The following TMEM181 variants were observed in gnomAD, a reference collection of about 807,000 sequenced individuals.
TMEM181 encodes transmembrane protein 181, also known as G protein-coupled receptor 178.
In TMEM181, 39 loss-of-function variants were observed where a neutral mutation model predicts 71.9. That is an observed-to-expected ratio of 0.54 (90% CI 0.42 to 0.71). TMEM181 has a LOEUF of 0.71. Among genes scored for constraint, TMEM181 ranks in the 30% least tolerant of loss-of-function variants. TMEM181 has a pLI of 0.00. For synonymous variants in TMEM181, 245 were observed against 228.8 expected (o/e 1.07, Z -0.64); for missense variants, 595 against 583.0 (o/e 1.02, Z -0.21).
intron 6 of TMEM181, among the ~76,000 whole-genome samples, chr6:158,591,700 C>T (rs1784119488): frequency 6.6e-6 from 1 of 151,882 alleles, no homozygotes. Flanking sequence ...AAACAAGGGA[C>T]CTCTCCCTTT....
intron 2 of TMEM181, among the ~76,000 whole-genome samples, chr6:158,580,186 C>T (rs534333063): frequency 1.2e-4 from 18 of 152,098 alleles, no homozygotes; most frequent in African/African-American, 4.1e-4. Context: ...AAAAATTAGC[C>T]GGGCGTGGTG....
rs754628447 is a variant in TMEM181 at position 158,631,853 on chromosome 6, C to T, written c.1393C>T (p.Arg465Trp). The stretch of plus-strand genomic sequence containing the variant: ...GCCGCTGCAGAACGGCCAGGCCATC[C>T]GGGCCAAGTACAAGGAGGAGTCAGA... ...EMPLQNGQAI[R>W]AKYKEESDSD is the part of the protein sequence containing the mutation. The change falls in exon 17 of 17, where the codon CGG becomes TGG. Residue 465 changes from arginine (R) to tryptophan (W), a missense_variant. Arg to Trp is a moderately radical substitution (Grantham distance 101, BLOSUM62 -3). Coordinates refer to ENST00000684151, the MANE Select transcript of TMEM181 (RefSeq NM_001376852.1). 70 of 1,599,196 alleles carry T rather than the reference C, an allele frequency of 4.4e-5. No homozygotes were observed. The highest frequency in any genetic ancestry group is 5.5e-5 in the Non-Finnish European group (65 of 1,172,630).
At chr6:158,555,480 C>T (rs1388817729), upstream of TMEM181, among the ~76,000 whole-genome samples, 3 of 151,944 alleles carry the variant, frequency 2.0e-5, no homozygotes, top group African/African-American at 4.8e-5. Flanking sequence ...TATCTCAACT[C>T]CAGTAGAAAA....
upstream of TMEM181, among the ~76,000 whole-genome samples, chr6:158,558,998 T>A (rs934644794): frequency 1.3e-5 from 2 of 152,214 alleles, no homozygotes; most frequent in Non-Finnish European, 2.9e-5. Context: ...AGAAATAATC[T>A]TTTGTTATTC....
chr6:158,626,600 G>A (rs1390128766), intron 13 of TMEM181: 2 of 456,876 alleles, frequency 4.4e-6, no homozygotes, highest in Non-Finnish European at 8.8e-6. Flanking sequence ...ACCACTAGGA[G>A]TGTGAACTCA....
intron 6 of TMEM181, among the ~76,000 whole-genome samples, chr6:158,597,650 A>C (rs1784453336): frequency 6.6e-6 from 1 of 152,094 alleles, no homozygotes; most frequent in African/African-American, 2.4e-5. Context: ...AGACAGGCAC[A>C]CACCACCATG....
chr6:158,554,912 T>G (rs567097533), intron 1 of TMEM181, among the ~76,000 whole-genome samples: 1 of 152,340 alleles, frequency 6.6e-6, no homozygotes, highest in Admixed American at 6.5e-5. Context: ...GGTAATCTAA[T>G]GAAGATGGTG....
rs749992652 is a variant in TMEM181 at position 158,635,362 on chromosome 6, C to T, written c.*3474C>T. On this transcript the variant is annotated 3_prime_UTR_variant, in exon 17 of 17. Transcript: ENST00000684151. Reference sequence around the variant, plus strand: ...AGTGAATGTTTGTTTATGGCAAATTCGTCTTTTGCGAATGGCTTAATTCTG... The same window carrying T: ...AGTGAATGTTTGTTTATGGCAAATTTGTCTTTTGCGAATGGCTTAATTCTG... 1.3e-4 allele frequency: 20 copies of T among 152,204 alleles called. No homozygotes were observed. Among genetic ancestry groups the T allele is most frequent in the Non-Finnish European group, 2.4e-4 (16 of 68,028 alleles). The allele number at this position is 152,204 out of a possible 1,614,324, so 9.4% of individuals were successfully genotyped here. A position where few individuals can be genotyped will look rare whatever the true frequency, so the allele number is the denominator to read the frequency against.
At chr6:158,572,787 C>T (rs1408303334) in intron 1 of TMEM181, among the ~76,000 whole-genome samples, 1 of 152,156 alleles carries the variant, frequency 6.6e-6, no homozygotes, top group African/African-American at 2.4e-5. Flanking sequence ...GAAACCTGCA[C>T]GGCAAGGCAG....
chr6:158,595,481 T>C (rs1784339247), intron 6 of TMEM181, among the ~76,000 whole-genome samples: 1 of 152,188 alleles, frequency 6.6e-6, no homozygotes, highest in Non-Finnish European at 1.5e-5. Context: ...CCAAAAGACT[T>C]GTATTTAGAT....
At chr6:158,572,443 AACAG>A (rs1782911175) in intron 1 of TMEM181, 1 of 456,660 alleles carries the variant, frequency 2.2e-6, no homozygotes, top group Non-Finnish European at 4.4e-6. Flanking sequence ...GAGAGAGCAA[AACAG>A]ACAGCGCCGC....
chr6:158,630,331 T>C (rs189126274), intron 15 of TMEM181, among the ~76,000 whole-genome samples: 3 of 152,064 alleles, frequency 2.0e-5, no homozygotes, highest in Admixed American at 1.3e-4. Context: ...ACCCCATCTC[T>C]CCAAAAATTT....
intron 6 of TMEM181, among the ~76,000 whole-genome samples, chr6:158,596,782 A>G (rs1236953626): frequency 6.6e-6 from 1 of 152,154 alleles, no homozygotes; most frequent in Non-Finnish European, 1.5e-5. Context: ...GAAAATGAGG[A>G]AGAAGCAAAA....
chr6:158,540,506 C>T (rs928163877), intron 1 of TMEM181, among the ~76,000 whole-genome samples: 4 of 152,176 alleles, frequency 2.6e-5, no homozygotes, highest in Admixed American at 1.3e-4. Flanking sequence ...GGTAGCAGAG[C>T]GCGGTGGCTC....
chr6:158,607,893 T>C (rs1321866305), intron 8 of TMEM181, among the ~76,000 whole-genome samples: 2 of 152,226 alleles, frequency 1.3e-5, no homozygotes, highest in African/African-American at 4.8e-5. Flanking sequence ...GGAACTTGGC[T>C]GAAGGTGGCC....
intron 2 of TMEM181, among the ~76,000 whole-genome samples, chr6:158,580,588 A>G (rs1783417275): frequency 1.3e-5 from 2 of 152,250 alleles, no homozygotes; most frequent in Non-Finnish European, 2.9e-5. Context: ...TATATTTTAC[A>G]GAATATATAA....
rs201875244 is a variant in TMEM181 at position 158,625,116 on chromosome 6, T to G, written c.967T>G (p.Phe323Val). The G allele has an allele frequency of 4.0e-5, 64 of 1,613,588 alleles. No homozygotes were observed. The highest frequency in any genetic ancestry group is 5.3e-5 in the African/African-American group (4 of 74,908). The change falls in exon 12 of 17, where the codon TTC becomes GTC. Residue 323 changes from phenylalanine (F) to valine (V), a missense_variant. By Grantham distance (50) the Phe-to-Val change is conservative. Transcript: ENST00000684151. ...DTGNFQGMKVFFMVVAAVYIL... is the reference protein window; with the variant it reads ...DTGNFQGMKVVFMVVAAVYIL... ...TGTGTCCTCCTAGGGAATGAAGGTC[T>G]TCTTCATGGTGGTGGCAGCGGTGTA...
chr6:158,626,539 C>A (rs1477074168), intron 13 of TMEM181: 10 of 456,320 alleles, frequency 2.2e-5, no homozygotes, highest in Non-Finnish European at 4.4e-5. Context: ...CTCTGGGAGT[C>A]CCCACCTTGT....
intron 10 of TMEM181, among the ~76,000 whole-genome samples, chr6:158,612,568 T>C (rs1412087937): frequency 5.9e-5 from 9 of 152,242 alleles, no homozygotes; most frequent in Non-Finnish European, 2.9e-5. Context: ...CATGGTATGC[T>C]TTTTGTTCCC....
Sources: allele counts gnomAD v4.1 joint callset (sites outside exome capture counted in the v4.1 genomes callset), GRCh38; gene constraint gnomAD v4.1.1; transcripts MANE v1.5; gene names NCBI Gene and HGNC (gene_info 2026-07-23, HGNC 2026-07-21).